EIF4H: variants seen among roughly 807,000 people sequenced by gnomAD.
The protein encoded by EIF4H is Williams-Beuren syndrome chromosome region 1.
Under a neutral mutation model 30.6 loss-of-function variants are expected in EIF4H, and 8 were observed. That is an observed-to-expected ratio of 0.26 (90% confidence interval 0.15 to 0.47). EIF4H has a LOEUF of 0.47. Ranked by LOEUF, EIF4H falls within the 20% of genes least tolerant of loss-of-function variation. The pLI is 0.99. For synonymous variants in EIF4H, 106 were observed against 122.7 expected (o/e 0.86, Z 0.90); for missense variants, 188 against 339.5 (o/e 0.55, Z 3.51).
chr7:74,187,668 G>C lies in EIF4H; in HGVS notation c.117G>C (p.Glu39Asp), dbSNP rs201237184. 4.3e-6 allele frequency: 7 copies of C among 1,611,286 alleles called. No individual in the cohort carries two copies. In the Middle Eastern group the frequency reaches 5.0e-4, roughly 114 times the overall value. Reference sequence around the variant, plus strand: ...GTAGCCAGAAGGAGTTGCCCACAGAGCCCCCCTACACAGCATACGTAGGAA... The same window carrying C: ...GTAGCCAGAAGGAGTTGCCCACAGACCCCCCCTACACAGCATACGTAGGAA... ...GSRSQKELPT[E>D]PPYTAYVGNL... Residue 39 changes from glutamate (E) to aspartate (D), a missense_variant, in exon 2 of 7, where the codon GAG (glutamate) becomes GAC (aspartate). Glu to Asp is a conservative substitution (Grantham distance 45, BLOSUM62 2). Around this residue, in one of 4 missense-constraint regions of EIF4H, gnomAD observed 52 missense variants for 143.9 expected, o/e 0.36. Coordinates refer to ENST00000265753, the MANE Select transcript of EIF4H (RefSeq NM_022170.2).
At chr7:74,192,344 G>A (rs1801239681) in intron 5 of EIF4H, among the ~76,000 whole-genome samples, 1 of 152,180 alleles carries the variant, frequency 6.6e-6, no homozygotes, top group Admixed American at 6.5e-5. Flanking sequence ...ATACTCGACT[G>A]TATGCCTCCC....
chr7:74,175,876 T>G (rs2115925451), intron 1 of EIF4H, among the ~76,000 whole-genome samples: 1 of 152,282 alleles, frequency 6.6e-6, no homozygotes. Flanking sequence ...AAAAATTTCC[T>G]TCAGACACAT....
chr7:74,176,742 G>A (rs1244810289), intron 1 of EIF4H, among the ~76,000 whole-genome samples: 1 of 152,052 alleles, frequency 6.6e-6, no homozygotes, highest in Non-Finnish European at 1.5e-5. Flanking sequence ...TTTTTCCCCC[G>A]AGCCTGTAAG....
intron 5 of EIF4H, among the ~76,000 whole-genome samples, chr7:74,192,081 C>T (rs1801232370): frequency 6.6e-6 from 1 of 152,176 alleles, no homozygotes; most frequent in Non-Finnish European, 1.5e-5. Context: ...GCCCGGCCCC[C>T]ACCAACAGAT....
chr7:74,186,809 T>A lies in EIF4H; in HGVS notation c.60-802T>A, dbSNP rs1554709241. Reference sequence around the variant, plus strand: ...AGAAATTTTTTTTTTTTTTTTTTTTTTTTTTTTTTTTTTTTTTTTTTTTTT... The same window carrying A: ...AGAAATTTTTTTTTTTTTTTTTTTTATTTTTTTTTTTTTTTTTTTTTTTTT... On this transcript the variant is annotated intron_variant, in intron 1 of 6. Transcript: ENST00000265753. Among the ~76,000 whole-genome samples, 131 of 50,730 alleles carry A rather than the reference T, an allele frequency of 2.6e-3. 14 individuals carry two copies. The highest frequency in any genetic ancestry group is 0.01 in the East Asian group (17 of 1,626). 33.3% of individuals were successfully genotyped at this position (50,730 alleles called of 152,430 possible).
intron 1 of EIF4H, among the ~76,000 whole-genome samples, chr7:74,184,585 A>G (rs1245347835): frequency 1.3e-5 from 2 of 152,100 alleles, no homozygotes; most frequent in Non-Finnish European, 2.9e-5. Context: ...TAATGAATTT[A>G]AACTGTTTTT....
intron 1 of EIF4H, among the ~76,000 whole-genome samples, chr7:74,184,694 G>GC (rs1554708937): frequency 5.9e-5 from 9 of 151,708 alleles, no homozygotes; most frequent in African/African-American, 2.2e-4. Context: ...TTTTTTGTTT[G>GC]TTTTTTGTGT....
At chr7:74,190,126 T>C (rs2115980860) in intron 4 of EIF4H, 121 bp from the exon 5 acceptor site, 1 of 1,165,406 alleles carries the variant, frequency 8.6e-7, no homozygotes, top group East Asian at 2.5e-5. Context: ...GCAAAAGCTC[T>C]TAAAATGATT....
chr7:74,189,810 C>G lies in EIF4H; in HGVS notation c.313-12C>G. ...TTTGCCAATACTTACACTATTTTCC[C>G]TTTATCATTAGCTGTTGGGCGATCG... On this transcript the variant is annotated splice_polypyrimidine_tract_variant and intron_variant, in intron 3 of 6. Transcript: ENST00000265753. The G allele has an allele frequency of 1.2e-6, 2 of 1,614,076 alleles. No individual in the cohort carries two copies. The highest frequency in any genetic ancestry group is 2.2e-5 in the South Asian group (2 of 91,054).
intron 1 of EIF4H, among the ~76,000 whole-genome samples, chr7:74,176,902 A>G (rs1730901273): frequency 6.6e-6 from 1 of 152,198 alleles, no homozygotes; most frequent in Admixed American, 6.5e-5. Flanking sequence ...TTGAGGTTCC[A>G]GTTTCTCATC....
intron 4 of EIF4H, 156 bp downstream of exon 4, chr7:74,190,074 T>G: frequency 8.9e-7 from 1 of 1,118,502 alleles, no homozygotes; most frequent in Admixed American, 2.8e-5. Context: ...AAAGAATGGC[T>G]GATGCTTCTG....
At chr7:74,185,436 G>T (rs1801060862) in intron 1 of EIF4H, among the ~76,000 whole-genome samples, 1 of 152,160 alleles carries the variant, frequency 6.6e-6, no homozygotes, top group Non-Finnish European at 1.5e-5. Context: ...CATTTACTAG[G>T]CCCGAAAAGA....
intron 4 of EIF4H, 28 bp downstream of exon 4, chr7:74,189,946 C>G (rs782077078): frequency 3.0e-5 from 49 of 1,610,872 alleles, no homozygotes; most frequent in Middle Eastern, 1.6e-4. Context: ...AGCTGAACAT[C>G]ATAAAGATTT....
chr7:74,193,214 A>AC (rs1485995411), intron 5 of EIF4H, among the ~76,000 whole-genome samples: 16 of 152,206 alleles, frequency 1.1e-4, no homozygotes, highest in African/African-American at 3.6e-4. Context: ...CAGCGATGTC[A>AC]CCAGAAAAAG....
At position 74,196,966 on chromosome 7, in the gene EIF4H, A is replaced by G. The variant is rs1346141932; in HGVS notation, c.*1658A>G. 6.6e-5 allele frequency: 10 copies of G among 152,572 alleles called. No homozygotes were observed. The highest frequency in any genetic ancestry group is 1.0e-4 in the Non-Finnish European group (7 of 68,034). The allele number at this position is 152,572 out of a possible 1,614,324, so 9.5% of individuals were successfully genotyped here. A position where few individuals can be genotyped will look rare whatever the true frequency, so the allele number is the denominator to read the frequency against. On this transcript the variant is annotated 3_prime_UTR_variant, in exon 7 of 7. Transcript: ENST00000265753. ...ACACATGCATCTAAACTGCTGGGCA[A>G]TCCAGTTGACTTTTAAATGTAAGAA...
intron 1 of EIF4H, among the ~76,000 whole-genome samples, chr7:74,177,585 A>G (rs1410437931): frequency 6.6e-6 from 1 of 152,168 alleles, no homozygotes; most frequent in Non-Finnish European, 1.5e-5. Flanking sequence ...ATGTAATAGG[A>G]AGGAAAGCAG....
intron 1 of EIF4H, among the ~76,000 whole-genome samples, chr7:74,184,201 T>C (rs1255205958): frequency 6.6e-6 from 1 of 151,978 alleles, no homozygotes; most frequent in African/African-American, 2.4e-5. Context: ...CAGAGCCACC[T>C]TCCTGTCCTA....
chr7:74,193,227 C>T (rs1443994616), intron 5 of EIF4H, among the ~76,000 whole-genome samples: 4 of 152,160 alleles, frequency 2.6e-5, no homozygotes, highest in African/African-American at 9.7e-5. Context: ...AGAAAAAGCC[C>T]AAAGGGCAAA....
At chr7:74,182,667 G>A (rs1479926066) in intron 1 of EIF4H, among the ~76,000 whole-genome samples, 1 of 152,200 alleles carries the variant, frequency 6.6e-6, no homozygotes, top group Non-Finnish European at 1.5e-5. Flanking sequence ...CCAAAGTGCT[G>A]GGACTACAGG....
Sources: allele counts gnomAD v4.1 joint callset (sites outside exome capture counted in the v4.1 genomes callset), GRCh38; gene constraint gnomAD v4.1.1; regional missense constraint gnomAD v4.1.1; transcripts MANE v1.5; gene names NCBI Gene and HGNC (gene_info 2026-07-23, HGNC 2026-07-21).